Variants in YARS2 observed in about 807,000 individuals in gnomAD.
The protein encoded by YARS2 is tyrosine--tRNA ligase, mitochondrial.
In YARS2, 38 loss-of-function variants were observed where a neutral mutation model predicts 45.0. That is an observed-to-expected ratio of 0.84 (90% CI 0.65 to 1.11). The LOEUF is 1.11. YARS2 is among the 50% of genes least tolerant of loss of function. YARS2 has a pLI of 0.00. For missense variants in YARS2, 602 were observed against 599.8 expected (o/e 1.00, Z -0.04); for synonymous variants, 287 against 245.1 (o/e 1.17, Z -1.60).
Position 32,755,469 on chromosome 12 carries a change from GCTCT to G in YARS2, c.402_405del (p.Glu135AlafsTer11). The G allele has an allele frequency of 6.2e-7, 1 of 1,612,406 alleles. No individual in the cohort carries two copies. Among genetic ancestry groups the G allele is most frequent in the Non-Finnish European group, 8.5e-7 (1 of 1,179,516 alleles). On this transcript the variant is annotated frameshift_variant, in exon 1 of 5. Coordinates refer to ENST00000324868, the MANE Select transcript of YARS2 (RefSeq NM_001040436.3). LOFTEE classifies it high-confidence loss of function. ...AGAGCTCGCGCGTTGGCTCGCACGC[GCTCT>G]GTCTCCAGCGCCTCGCGTTCCTTGG...
rs771177603 is a variant in YARS2 at position 32,754,093 on chromosome 12, T to C, written c.780-8A>G. ...ACATCTTCTCCAGTCAACCTACGCATAAAGAACAATTTCATTATGTGCCTC... is the reference window on the plus strand; with the variant it reads ...ACATCTTCTCCAGTCAACCTACGCACAAAGAACAATTTCATTATGTGCCTC... On this transcript the variant is annotated splice_polypyrimidine_tract_variant and splice_region_variant and intron_variant, in intron 1 of 4. Coordinates refer to ENST00000324868, the MANE Select transcript of YARS2 (RefSeq NM_001040436.3). 3 of 1,614,192 alleles carry C rather than the reference T, an allele frequency of 1.9e-6. No homozygotes were observed. In the South Asian group the frequency reaches 3.3e-5, roughly 18 times the overall value.
chr12:32,752,021 T>G (rs1955754398), intron 2 of YARS2, among the ~76,000 whole-genome samples: 2 of 152,204 alleles, frequency 1.3e-5, no homozygotes, highest in African/African-American at 4.8e-5. Flanking sequence ...CTGTATGTGC[T>G]TCTACCCTGG....
rs1260826674 is a variant in YARS2 at position 32,747,305 on chromosome 12, C to G, written c.1333G>C (p.Glu445Gln). ...SINHQQVTNP[E>Q]SVLIVGQHIL... Reference sequence around the variant, plus strand: ...TGTTGTCCAACAATTAAAACACTCTCAGGATTTGTTACTTGTTGGTGATTT... The same window carrying G: ...TGTTGTCCAACAATTAAAACACTCTGAGGATTTGTTACTTGTTGGTGATTT... Residue 445 changes from glutamate (E) to glutamine (Q), a missense_variant, in exon 5 of 5, where the codon GAG becomes CAG. By Grantham distance (29) the Glu-to-Gln change is conservative. Coordinates refer to ENST00000324868, the MANE Select transcript of YARS2 (RefSeq NM_001040436.3). 6.2e-7 allele frequency: 1 copy of G among 1,613,984 alleles called. No individual in the cohort carries two copies. The highest frequency in any genetic ancestry group is 8.5e-7 in the Non-Finnish European group (1 of 1,179,984).
rs1451264576 is a variant in YARS2, at chr12:32,755,361, C to T, written c.514G>A (p.Asp172Asn). Residue 172 changes from aspartate to asparagine, a missense_variant, in exon 1 of 5, where the codon GAC becomes AAC. Coordinates refer to ENST00000324868, the MANE Select transcript of YARS2 (RefSeq NM_001040436.3). Reference protein sequence around the residue: ...GRSWGSFTVLDNSAWYQKQHL... With the variant: ...GRSWGSFTVLNNSAWYQKQHL... The stretch of plus-strand genomic sequence containing the variant: ...TGCTTCTGGTACCAGGCCGAGTTGT[C>T]CAGCACAGTGAAGCTGCCCCAGGAG... The T allele has an allele frequency of 1.9e-6, 3 of 1,614,092 alleles. No individual in the cohort carries two copies. The South Asian group carries it at 3.3e-5, about 18-fold the overall frequency.
Position 32,755,875 on chromosome 12 carries a change from C to G in YARS2, c.-1G>C, listed in dbSNP as rs1288372280. On this transcript the variant is annotated 5_prime_UTR_variant, in exon 1 of 5. Coordinates refer to ENST00000324868, the MANE Select transcript of YARS2 (RefSeq NM_001040436.3). ...AGGACCGCAAGATGGGCGCCGCCAT[C>G]TTGGTAGCGGCACGAAGGGAATGCT... 1 of 1,612,926 alleles carries G rather than the reference C, an allele frequency of 6.2e-7. No individual in the cohort carries two copies. The highest frequency in any genetic ancestry group is 1.6e-4 in the Middle Eastern group (1 of 6,078).
chr12:32,752,794 C>T (rs1445141832), intron 2 of YARS2: 2 of 373,104 alleles, frequency 5.4e-6, no homozygotes, highest in Non-Finnish European at 1.1e-5. Flanking sequence ...CATCAAAACC[C>T]CAGGACTATA....
At chr12:32,751,559 AATC>A (rs1955745330) in intron 2 of YARS2, among the ~76,000 whole-genome samples, 1 of 152,298 alleles carries the variant, frequency 6.6e-6, no homozygotes, top group East Asian at 1.9e-4. Context: ...AACTGATATA[AATC>A]ATCATGCTCT....
intron 3 of YARS2, 108 bp from the exon 4 acceptor site, chr12:32,750,215 T>G: frequency 7.3e-7 from 1 of 1,369,964 alleles, no homozygotes; most frequent in Non-Finnish European, 1.0e-6. Flanking sequence ...TAAAAGTTTT[T>G]TTTTGAGATG....
chr12:32,754,178 T>G (rs770766119), intron 1 of YARS2, 93 bp from the exon 2 acceptor site: 42 of 1,495,458 alleles, frequency 2.8e-5, no homozygotes, highest in Non-Finnish European at 3.8e-5. Flanking sequence ...GGTTACTTGC[T>G]CCAGGAAAAC....
chr12:32,753,675 CTAGA>C (rs1437649009), intron 2 of YARS2, among the ~76,000 whole-genome samples: 4 of 152,178 alleles, frequency 2.6e-5, no homozygotes, highest in African/African-American at 9.6e-5. Context: ...TAAGAACTTG[CTAGA>C]TACAGATCAA....
intron 4 of YARS2, among the ~76,000 whole-genome samples, 187 bp downstream of exon 4, chr12:32,749,750 T>G (rs567059422): frequency 6.6e-6 from 1 of 151,972 alleles, no homozygotes; most frequent in Non-Finnish European, 1.5e-5. Flanking sequence ...CCGGCTAATT[T>G]GTATTTTTAG....
intron 4 of YARS2, among the ~76,000 whole-genome samples, chr12:32,748,233 C>T (rs1955678830): frequency 6.6e-6 from 1 of 152,034 alleles, no homozygotes; most frequent in Non-Finnish European, 1.5e-5. Context: ...ATCTTGAACT[C>T]CTGGCCCCAA....
At chr12:32,751,755 C>T (rs1001118663) in intron 2 of YARS2, among the ~76,000 whole-genome samples, 1 of 152,152 alleles carries the variant, frequency 6.6e-6, no homozygotes, top group Admixed American at 6.6e-5. Flanking sequence ...GCGCAGTTCA[C>T]AATAGGGTTT....
rs1327882031 is a variant in YARS2, at chr12:32,755,799, A to T, written c.76T>A (p.Leu26Met). The stretch of plus-strand genomic sequence containing the variant: ...CCCGAGTGGGCCTTACGCAGCCCCA[A>T]GGGCAACAATACTGAGAGATTTAGG... ...GTLNLSVLLP[L>M]GLRKAHSGAQ... The change falls in exon 1 of 5, where the codon TTG (leucine) becomes ATG (methionine). Residue 26 changes from leucine (L) to methionine (M), a missense_variant. By Grantham distance (15) the Leu-to-Met change is conservative. Transcript: ENST00000324868. The T allele has an allele frequency of 6.2e-7, 1 of 1,613,714 alleles. No individual in the cohort carries two copies. The highest frequency in any genetic ancestry group is 8.5e-7 in the Non-Finnish European group (1 of 1,180,042).
chr12:32,750,134 T>C, intron 3 of YARS2, 27 bp from the exon 4 acceptor site: 1 of 1,612,726 alleles, frequency 6.2e-7, no homozygotes, highest in Middle Eastern at 1.7e-4. Context: ...AAGAGCTACA[T>C]CATATAAATG....
chr12:32,755,848 A>G lies in YARS2; in HGVS notation c.27T>C (p.Phe9=). The change falls in exon 1 of 5, where the codon TTT becomes TTC. Residue 9 remains phenylalanine, a synonymous_variant. Transcript: ENST00000324868. MAAPILRS[F]SWGRWSGTLN... ...GGGTACCAGACCACCGGCCCCAGGA[A>G]AAGGACCGCAAGATGGGCGCCGCCA... 6.2e-7 allele frequency: 1 copy of G among 1,613,316 alleles called. No homozygotes were observed. Among genetic ancestry groups the G allele is most frequent in the Non-Finnish European group, 8.5e-7 (1 of 1,180,040 alleles).
rs775256289 is a variant in YARS2, at chr12:32,750,046, A to ACTCCTGATCAGACATGAC, written c.1147_1164dup (p.Val383_Glu388dup). ...GGAGCTTCTTTAAACAACTCTTTTAACTCCTGATCAGACATGACCTCCAGT... is the reference window on the plus strand; with the variant it reads ...GGAGCTTCTTTAAACAACTCTTTTAACTCCTGATCAGACATGACCTCCTGATCAGACATGACCTCCAGT... On this transcript the variant is annotated inframe_insertion, in exon 4 of 5. Transcript: ENST00000324868. 4.6e-5 allele frequency: 75 copies of ACTCCTGATCAGACATGAC among 1,614,000 alleles called. No individual in the cohort carries two copies. The highest frequency in any genetic ancestry group is 6.4e-5 in the Non-Finnish European group (75 of 1,180,006).
Position 32,750,078 on chromosome 12 carries a change from A to C in YARS2, c.1133T>G (p.Ile378Arg). The change falls in exon 4 of 5, where the codon ATA becomes AGA. Residue 378 changes from isoleucine to arginine, a missense_variant. Transcript: ENST00000324868. The stretch of plus-strand genomic sequence containing the variant: ...ATCAGACATGACCTCCAGTGCATCT[A>C]TGCTACTGTGATAAAGGGCTTGTGT... ...RCTQALYHSS[I>R]DALEVMSDQE... The C allele has an allele frequency of 6.2e-7, 1 of 1,614,178 alleles. No individual in the cohort carries two copies.
At position 32,755,564 on chromosome 12, in the gene YARS2, G is replaced by A; in HGVS notation, c.311C>T (p.Ala104Val). 6.2e-7 allele frequency: 1 copy of A among 1,613,734 alleles called. No individual in the cohort carries two copies. The highest frequency in any genetic ancestry group is 8.5e-7 in the Non-Finnish European group (1 of 1,179,892). ...ALLGLFHLQR[A>V]GHNVIALVGG... ...CACCAGCGCGATCACGTTGTGGCCC[G>A]CTCGCTGCAAATGAAACAGGCCCAG... Residue 104 changes from alanine (A) to valine (V), a missense_variant, in exon 1 of 5, where the codon GCG becomes GTG. Ala to Val is a moderately conservative substitution (Grantham distance 64). Transcript: ENST00000324868.
Sources: allele counts gnomAD v4.1 joint callset (sites outside exome capture counted in the v4.1 genomes callset), GRCh38; gene constraint gnomAD v4.1.1; transcripts MANE v1.5; gene names NCBI Gene and HGNC (gene_info 2026-07-23, HGNC 2026-07-21).